Variants in EDNRA observed in about 807,000 individuals in gnomAD.
EDNRA encodes endothelin receptor type A.
A neutral mutation model predicts 41.4 loss-of-function variants in EDNRA; 11 were observed. That is an observed-to-expected ratio of 0.27 (90% CI 0.17 to 0.44). EDNRA has a LOEUF of 0.44. Among genes scored for constraint, EDNRA ranks in the 20% least tolerant of loss-of-function variants. The probability of loss-of-function intolerance (pLI) is 1.00; values close to 1 mark genes in which losing one functional copy is unlikely to be tolerated. For missense variants in EDNRA, 294 were observed against 531.0 expected (o/e 0.55, Z 4.39); for synonymous variants, 172 against 183.0 (o/e 0.94, Z 0.49).
Position 147,481,161 on chromosome 4 carries a change from C to A in EDNRA, c.-286C>A. The A allele has an allele frequency of 6.6e-6, 1 of 152,396 alleles. No individual in the cohort carries two copies. The highest frequency in any genetic ancestry group is 2.1e-4 in the South Asian group (1 of 4,842). The allele number at this position is 152,396 out of a possible 1,614,324, so 9.4% of individuals were successfully genotyped here. ...AGAGGCTTCATCCATCCCACCCGGT[C>A]GTCGCCGGGGATTGGGGTCCCAGCG... On this transcript the variant is annotated 5_prime_UTR_variant, in exon 1 of 8. Transcript: ENST00000651419.
rs1730223112 is a variant in EDNRA at position 147,519,091 on chromosome 4, G to GT, written c.421-759dup. Among the ~76,000 whole-genome samples the GT allele has an allele frequency of 6.6e-6, 1 of 152,212 alleles. No homozygotes were observed. Among genetic ancestry groups the GT allele is most frequent in the South Asian group, 2.1e-4 (1 of 4,832 alleles). On this transcript the variant is annotated intron_variant, in intron 2 of 7. Transcript: ENST00000651419. This position sits in a 1 kb window ranked among gnomAD's most constrained non-coding sequence, Gnocchi z 4.1. ...CATGGAAGAACAGATTTTTCTGCATGTGATACCAACAGATCAAGGTAACCA... is the reference window on the plus strand; with the variant it reads ...CATGGAAGAACAGATTTTTCTGCATGTTGATACCAACAGATCAAGGTAACCA...
intron 2 of EDNRA, among the ~76,000 whole-genome samples, chr4:147,518,493 A>G (rs1035408469): frequency 6.6e-6 from 1 of 152,202 alleles, no homozygotes; most frequent in South Asian, 2.1e-4. Context: ...GAAAGGAAGT[A>G]ATCACGAAAA....
At chr4:147,493,878 A>G (rs770747713) in intron 2 of EDNRA, 3 of 152,214 alleles carry the variant, frequency 2.0e-5, no homozygotes, top group Non-Finnish European at 2.9e-5. Context: ...GAAGCCTTCA[A>G]TGTTCTGGGG....
intron 5 of EDNRA, among the ~76,000 whole-genome samples, chr4:147,539,187 T>C (rs879562837): frequency 6.6e-6 from 1 of 151,740 alleles, no homozygotes; most frequent in Non-Finnish European, 1.5e-5. Flanking sequence ...ATTAAGAAAC[T>C]ACATGTCATT....
chr4:147,519,773 C>T lies in EDNRA; in HGVS notation c.421-78C>T, dbSNP rs1730248755. 9 of 1,496,706 alleles carry T rather than the reference C, an allele frequency of 6.0e-6. No homozygotes were observed. Among genetic ancestry groups the T allele is most frequent in the East Asian group, 2.4e-5 (1 of 41,642 alleles). The allele number at this position is 1,496,706 out of a possible 1,614,324, so 92.7% of individuals were successfully genotyped here. Reference sequence around the variant, plus strand: ...TGTGAATAAAATTTAGAAGTTGGGACGCATAACTAAAACTGTAAGTGCCCA... The same window carrying T: ...TGTGAATAAAATTTAGAAGTTGGGATGCATAACTAAAACTGTAAGTGCCCA... On this transcript the variant is annotated intron_variant, in intron 2 of 7. Transcript: ENST00000651419. This position sits in a 1 kb window ranked among gnomAD's most constrained non-coding sequence, Gnocchi z 4.1.
chr4:147,505,326 CATTTTTTT>C lies in EDNRA; in HGVS notation c.421-14524_421-14517del, dbSNP rs1321147620. 5.6e-3 allele frequency among the ~76,000 whole-genome samples: 458 copies of C among 81,980 alleles called. 11 individuals are homozygous for C. Among genetic ancestry groups the C allele is most frequent in the African/African-American group, 0.024 (436 of 18,394 alleles). The allele number at this position is 81,980 out of a possible 152,430, so 53.8% of individuals were successfully genotyped here. The stretch of plus-strand genomic sequence containing the variant: ...AAGAGAGTTTGGCAGTTTCTTTTTT[CATTTTTTT>C]TTTTTTTTTTTTTTTTTTTTTGGAG... On this transcript the variant is annotated intron_variant, in intron 2 of 7. Coordinates refer to ENST00000651419, the MANE Select transcript of EDNRA (RefSeq NM_001957.4).
At chr4:147,492,009 G>A (rs1345618637) in intron 2 of EDNRA, 8 of 152,160 alleles carry the variant, frequency 5.3e-5, no homozygotes, top group African/African-American at 1.4e-4. Flanking sequence ...CCTTCTACCT[G>A]GAATATGGTC....
rs1291210057 is a variant in EDNRA, at chr4:147,519,526, TA to T, written c.421-324del. 6.7e-6 allele frequency among the ~76,000 whole-genome samples: 1 copy of T among 149,352 alleles called. No individual in the cohort carries two copies. The highest frequency in any genetic ancestry group is 1.5e-5 in the Non-Finnish European group (1 of 67,456). ...CATCTCTTCTGTTATTAAATTGTAT[TA>T]TATAACTATAATATATTTAATATAT... On this transcript the variant is annotated intron_variant, in intron 2 of 7. Coordinates refer to ENST00000651419, the MANE Select transcript of EDNRA (RefSeq NM_001957.4). The surrounding 1 kb of genome is among the most constrained non-coding windows in gnomAD (Gnocchi z 4.1).
rs1171495953 is a variant in EDNRA, at chr4:147,485,730, T to A, written c.49T>A (p.Cys17Ser). 12 of 1,613,784 alleles carry A rather than the reference T, an allele frequency of 7.4e-6. No homozygotes were observed. Among genetic ancestry groups the A allele is most frequent in the Non-Finnish European group, 1.0e-5 (12 of 1,179,890 alleles). Residue 17 changes from cysteine to serine, a missense_variant, in exon 2 of 8, where the codon TGT (cysteine) becomes AGT (serine). Transcript: ENST00000651419. ...RASFWLALVGCVISDNPERYS... is the reference protein window; with the variant it reads ...RASFWLALVGSVISDNPERYS... ...ATCCTTTTGGCTGGCACTGGTTGGA[T>A]GTGTAATCAGTGATAATCCTGAGAG...
rs771470596 is a variant in EDNRA at position 147,539,919 on chromosome 4, G to A, written c.1003G>A (p.Glu335Lys). 13 of 1,612,238 alleles carry A rather than the reference G, an allele frequency of 8.1e-6. No homozygotes were observed. The Admixed American group carries it at 8.4e-5, about 10-fold the overall frequency. ...SRILKKTVYNEMDKNRCELLS... is the reference protein window; with the variant it reads ...SRILKKTVYNKMDKNRCELLS... ...TATATTGAAGAAAACTGTGTATAAC[G>A]AGATGGACAAGAACCGATGTGAATT... The change falls in exon 6 of 8, where the codon GAG (glutamate) becomes AAG (lysine). Residue 335 changes from glutamate (E) to lysine (K), a missense_variant. Glu to Lys is a moderately conservative substitution (Grantham distance 56). Coordinates refer to ENST00000651419, the MANE Select transcript of EDNRA (RefSeq NM_001957.4).
intron 1 of EDNRA, among the ~76,000 whole-genome samples, chr4:147,482,208 G>A (rs1728787063): frequency 1.3e-5 from 2 of 152,296 alleles, no homozygotes; most frequent in South Asian, 4.1e-4. Flanking sequence ...CACCTTGGCA[G>A]TCATTTCATG....
At chr4:147,537,055 GA>G (rs767456766) in intron 5 of EDNRA, among the ~76,000 whole-genome samples, 2 of 152,172 alleles carry the variant, frequency 1.3e-5, no homozygotes, top group Non-Finnish European at 2.9e-5. Flanking sequence ...TGTTGCAACA[GA>G]AAAGTATATA....
chr4:147,516,990 T>G (rs1456214750), intron 2 of EDNRA, among the ~76,000 whole-genome samples: 1 of 138,008 alleles, frequency 7.2e-6, no homozygotes, highest in African/African-American at 3.3e-5. Flanking sequence ...TGTTTTCTTT[T>G]TGTAAAAAAA....
intron 2 of EDNRA, among the ~76,000 whole-genome samples, chr4:147,511,664 A>G (rs1209872342): frequency 1.3e-5 from 2 of 152,182 alleles, no homozygotes; most frequent in Non-Finnish European, 2.9e-5. Context: ...TTTGGGATCC[A>G]CTACCTAAAT....
At chr4:147,529,975 G>A (rs1730690121) in intron 3 of EDNRA, among the ~76,000 whole-genome samples, 1 of 152,208 alleles carries the variant, frequency 6.6e-6, no homozygotes, top group Admixed American at 6.5e-5. Context: ...TAATGAAGGA[G>A]CAGACTGATC....
Position 147,519,720 on chromosome 4 carries a change from T to C in EDNRA, c.421-131T>C, listed in dbSNP as rs879199340. On this transcript the variant is annotated intron_variant, in intron 2 of 7. Coordinates refer to ENST00000651419, the MANE Select transcript of EDNRA (RefSeq NM_001957.4). The surrounding 1 kb of genome is among the most constrained non-coding windows in gnomAD (Gnocchi z 4.1). ...GAAAAAAATAACAATTCTAATACTC[T>C]TTTGCTACAGTGCTAACTGAAAAGC... 2.8e-6 allele frequency: 3 copies of C among 1,080,948 alleles called. No homozygotes were observed. In the South Asian group the frequency reaches 7.2e-5, roughly 26 times the overall value. The allele number at this position is 1,080,948 out of a possible 1,614,324, so 67.0% of individuals were successfully genotyped here.
rs200223010 is a variant in EDNRA, at chr4:147,535,858, T to TC, written c.748-19_748-18insC. 4 of 1,524,170 alleles carry TC rather than the reference T, an allele frequency of 2.6e-6. No individual in the cohort carries two copies. Among genetic ancestry groups the TC allele is most frequent in the African/African-American group, 4.9e-5 (2 of 40,560 alleles). The allele number at this position is 1,524,170 out of a possible 1,614,324, so 94.4% of individuals were successfully genotyped here. On this transcript the variant is annotated intron_variant, in intron 4 of 7. Coordinates refer to ENST00000651419, the MANE Select transcript of EDNRA (RefSeq NM_001957.4). ...GACTCTGCTCCTCCTTTTCTCTTTT[T>TC]TTTTTTTTCACTTTGAAGTTCTACC...
intron 4 of EDNRA, among the ~76,000 whole-genome samples, chr4:147,533,230 C>T (rs1044434490): frequency 1.3e-5 from 2 of 152,066 alleles, no homozygotes; most frequent in African/African-American, 4.8e-5. Context: ...GTCTAATATA[C>T]AAATAATATA....
chr4:147,542,507 CA>C lies in EDNRA; in HGVS notation c.1177del (p.Ser393ValfsTer2). 1 of 1,614,150 alleles carries C rather than the reference CA, an allele frequency of 6.2e-7. No individual in the cohort carries two copies. The highest frequency in any genetic ancestry group is 8.5e-7 in the Non-Finnish European group (1 of 1,180,014). ...SCLCCCCYQSKSLMTSVPMNG... is the reference protein window; with the variant it reads ...SCLCCCCYQSXSLMTSVPMNG... ...GCCTCTGCTGCTGCTGTTACCAGTC[CA>C]AAAGTCTGATGACCTCGGTCCCCAT... On this transcript the variant is annotated frameshift_variant, in exon 8 of 8. Coordinates refer to ENST00000651419, the MANE Select transcript of EDNRA (RefSeq NM_001957.4). LOFTEE classifies it high-confidence loss of function.
Sources: allele counts gnomAD v4.1 joint callset (sites outside exome capture counted in the v4.1 genomes callset), GRCh38; gene constraint gnomAD v4.1.1; non-coding constraint Gnocchi (gnomAD v3.1); transcripts MANE v1.5; gene names NCBI Gene and HGNC (gene_info 2026-07-23, HGNC 2026-07-21).